GRB2: variants seen among roughly 807,000 people sequenced by gnomAD.
GRB2 encodes the protein growth factor receptor-bound protein 2.
In GRB2, 2 loss-of-function variants were observed where a neutral mutation model predicts 27.4. The ratio of observed to expected loss-of-function variants is 0.07; its 90% CI spans 0.03 to 0.23. The LOEUF is 0.23. Among genes scored for constraint, GRB2 ranks in the 10% least tolerant of loss-of-function variants. The pLI is 1.00. For missense variants in GRB2, 102 were observed against 282.4 expected (o/e 0.36, Z 4.58); for synonymous variants, 94 against 99.6 (o/e 0.94, Z 0.33).
At chr17:75,396,668 G>T (rs376516709) in intron 1 of GRB2, among the ~76,000 whole-genome samples, 2 of 152,068 alleles carry the variant, frequency 1.3e-5, no homozygotes, top group Non-Finnish European at 2.9e-5. Flanking sequence ...GAATACAGGG[G>T]AGAGTGAGCC....
At chr17:75,393,907 C>CG (rs2079014764) in intron 1 of GRB2, 142 bp from the exon 2 acceptor site, 3 of 487,396 alleles carry the variant, frequency 6.2e-6, no homozygotes, top group Non-Finnish European at 1.1e-5. Flanking sequence ...GCAACAGCCC[C>CG]CCCCCGCCGA....
chr17:75,399,166 G>A (rs1025127491), intron 1 of GRB2, among the ~76,000 whole-genome samples: 4 of 152,022 alleles, frequency 2.6e-5, no homozygotes, highest in Non-Finnish European at 5.9e-5. Flanking sequence ...TCCTGCCTTA[G>A]CCTCCCAAGT....
intron 2 of GRB2, among the ~76,000 whole-genome samples, chr17:75,336,102 T>G (rs2078575328): frequency 6.6e-6 from 1 of 152,238 alleles, no homozygotes; most frequent in Non-Finnish European, 1.5e-5. Flanking sequence ...AAGGCCAGGA[T>G]TCTGTTATCT....
intron 2 of GRB2, among the ~76,000 whole-genome samples, chr17:75,369,292 G>A (rs1020650663): frequency 1.4e-4 from 21 of 152,106 alleles, no homozygotes; most frequent in Non-Finnish European, 2.6e-4. Flanking sequence ...TTCACAATGC[G>A]ACATATCAAA....
At chr17:75,367,166 C>G (rs545324641) in intron 2 of GRB2, among the ~76,000 whole-genome samples, 2 of 152,130 alleles carry the variant, frequency 1.3e-5, no homozygotes, top group South Asian at 4.2e-4. Context: ...ATCAGACCCA[C>G]TGCTCTTTTT....
intron 1 of GRB2, among the ~76,000 whole-genome samples, chr17:75,397,264 A>G (rs766815156): frequency 6.6e-6 from 1 of 152,222 alleles, no homozygotes; most frequent in Non-Finnish European, 1.5e-5. Flanking sequence ...AATCTAACAC[A>G]TACACAACAC....
chr17:75,364,211 T>C (rs1168664427), intron 2 of GRB2, among the ~76,000 whole-genome samples: 1 of 152,208 alleles, frequency 6.6e-6, no homozygotes. Flanking sequence ...CCTCTACTAG[T>C]GAACTCAAAC....
At chr17:75,390,266 T>C (rs2078990084) in intron 2 of GRB2, among the ~76,000 whole-genome samples, 1 of 152,214 alleles carries the variant, frequency 6.6e-6, no homozygotes, top group Non-Finnish European at 1.5e-5. Context: ...TGAGCACAGA[T>C]CTGAGAGCTC....
At chr17:75,373,951 G>A (rs908441254) in intron 2 of GRB2, among the ~76,000 whole-genome samples, 1 of 151,686 alleles carries the variant, frequency 6.6e-6, no homozygotes, top group South Asian at 2.1e-4. Flanking sequence ...CCGCCACCAT[G>A]CCCGGCTAAT....
chr17:75,387,418 T>C (rs2078971553), intron 2 of GRB2: 1 of 149,696 alleles, frequency 6.7e-6, no homozygotes, highest in Non-Finnish European at 1.5e-5. Context: ...CACCTCTGCA[T>C]TCCAGCCTTG....
chr17:75,326,951 G>C lies in GRB2; in HGVS notation c.177-931C>G, dbSNP rs181871969. On this transcript the variant is annotated intron_variant, in intron 3 of 5. Coordinates refer to ENST00000316804, the MANE Select transcript of GRB2 (RefSeq NM_002086.5). The stretch of plus-strand genomic sequence containing the variant: ...ATCATTTTTAAAAGCAAAAGTTATA[G>C]CAAATAAAGACCTATAAACATGGAA... Among the ~76,000 whole-genome samples, 4 of 152,012 alleles carry C rather than the reference G, an allele frequency of 2.6e-5. No homozygotes were observed. The East Asian group carries it at 7.7e-4, about 29-fold the overall frequency.
intron 2 of GRB2, among the ~76,000 whole-genome samples, chr17:75,356,061 T>C (rs2145843992): frequency 6.6e-6 from 1 of 152,144 alleles, no homozygotes; most frequent in East Asian, 1.9e-4. Flanking sequence ...GTCGAACTCC[T>C]GAGCTCAGGT....
chr17:75,346,333 C>A (rs891835298), intron 2 of GRB2, among the ~76,000 whole-genome samples: 1 of 151,652 alleles, frequency 6.6e-6, no homozygotes, highest in African/African-American at 2.4e-5. Context: ...GTCTCTACTA[C>A]AAAATACAAA....
At chr17:75,398,990 C>T (rs989990835) in intron 1 of GRB2, among the ~76,000 whole-genome samples, 6 of 151,628 alleles carry the variant, frequency 4.0e-5, no homozygotes, top group Admixed American at 2.6e-4. Context: ...TCAGGTGATC[C>T]GCCCACTTTG....
intron 1 of GRB2, among the ~76,000 whole-genome samples, chr17:75,397,869 T>G (rs2079038254): frequency 6.7e-6 from 1 of 150,336 alleles, no homozygotes; most frequent in Non-Finnish European, 1.5e-5. Context: ...TGAGACAGCA[T>G]CTAGCTCTGT....
chr17:75,396,369 A>G (rs1418484431), intron 1 of GRB2, among the ~76,000 whole-genome samples: 1 of 151,772 alleles, frequency 6.6e-6, no homozygotes, highest in Non-Finnish European at 1.5e-5. Context: ...CAGCTTCCCA[A>G]GTAGCTGGAA....
At chr17:75,337,901 C>CTACTATTATTAT (rs1375563317) in intron 2 of GRB2, among the ~76,000 whole-genome samples, 4 of 117,388 alleles carry the variant, frequency 3.4e-5, no homozygotes, top group Non-Finnish European at 1.7e-5. Context: ...ACTACTACTA[C>CTACTATTATTAT]TATTATTATT....
intron 2 of GRB2, among the ~76,000 whole-genome samples, chr17:75,342,500 GCTCAAGCGATCCT>G (rs2078627908): frequency 6.6e-6 from 1 of 151,964 alleles, no homozygotes; most frequent in Admixed American, 6.6e-5. Flanking sequence ...CAATTCCTAG[GCTCAAGCGATCCT>G]CCCACCTCAG....
At chr17:75,331,092 C>T (rs2078538415) in intron 3 of GRB2, among the ~76,000 whole-genome samples, 1 of 152,236 alleles carries the variant, frequency 6.6e-6, no homozygotes, top group African/African-American at 2.4e-5. Flanking sequence ...ACCCTATACT[C>T]ATGAACATCC....
Sources: gnomAD v4.1 joint callset for allele counts (sites outside exome capture counted in the v4.1 genomes callset) on GRCh38, gnomAD v4.1.1 for gene constraint, MANE v1.5 for transcripts, NCBI Gene and HGNC (gene_info 2026-07-23, HGNC 2026-07-21) for gene names.